LPP: variants seen among roughly 807,000 people sequenced by gnomAD.
The protein encoded by LPP is lipoma-preferred partner.
In LPP, 38 loss-of-function variants were observed where a neutral mutation model predicts 60.4. The ratio of observed to expected loss-of-function variants is 0.63; its 90% confidence interval spans 0.49 to 0.83. The LOEUF (loss-of-function observed/expected upper bound fraction) is 0.83. Ranked by LOEUF, LPP falls within the 40% of genes least tolerant of loss-of-function variation. The pLI is 0.00. For missense variants in LPP, 902 were observed against 783.6 expected, an observed-to-expected ratio of 1.15 and a Z score of -1.80; for synonymous variants, 328 against 290.8, an observed-to-expected ratio of 1.13 and a Z score of -1.30.
chr3:188,550,577 CAAAAAAAAA>C (rs67052080), intron 6 of LPP, among the ~76,000 whole-genome samples: 1 of 66,918 alleles, frequency 1.5e-5, no homozygotes, highest in Non-Finnish European at 2.6e-5. Context: ...GACTCCATCT[CAAAAAAAAA>C]AAAAAAAAAA....
chr3:188,561,578 G>C (rs2150682165), intron 6 of LPP, among the ~76,000 whole-genome samples: 1 of 152,144 alleles, frequency 6.6e-6, no homozygotes, highest in East Asian at 1.9e-4. Flanking sequence ...CAATTATTTG[G>C]AATGTGGCAA....
At chr3:188,773,476 G>A (rs1736751610) in intron 9 of LPP, among the ~76,000 whole-genome samples, 1 of 152,014 alleles carries the variant, frequency 6.6e-6, no homozygotes, top group African/African-American at 2.4e-5. Context: ...GCTGCACTGA[G>A]GACTATTTAA....
At chr3:188,553,111 A>G (rs1196850756) in intron 6 of LPP, among the ~76,000 whole-genome samples, 1 of 152,196 alleles carries the variant, frequency 6.6e-6, no homozygotes, top group African/African-American at 2.4e-5. Context: ...ATCTATAATG[A>G]TGTCAAACAA....
rs1307312055 is a variant in LPP at position 188,887,763 on chromosome 3, A to T, written c.*13284A>T. ...GATGAAAGACATTTAGGACCCTAGAAACTAAATCTTGTCACCAAGACTTTA... is the reference window on the plus strand; with the variant it reads ...GATGAAAGACATTTAGGACCCTAGATACTAAATCTTGTCACCAAGACTTTA... On this transcript the variant is annotated 3_prime_UTR_variant, in exon 12 of 12. Coordinates refer to ENST00000617246, the MANE Select transcript of LPP (RefSeq NM_001375462.1). The T allele has an allele frequency of 9.5e-6, 2 of 209,558 alleles. No individual in the cohort carries two copies. The highest frequency in any genetic ancestry group is 1.9e-5 in the Non-Finnish European group (2 of 103,068). The allele number at this position is 209,558 out of a possible 1,614,324, so 13.0% of individuals were successfully genotyped here. A position where few individuals can be genotyped will look rare whatever the true frequency, so the allele number is the denominator to read the frequency against.
rs138176249 is a variant in LPP at position 188,472,345 on chromosome 3, A to T, written c.194-12247A>T. Among the ~76,000 whole-genome samples the T allele has an allele frequency of 2.5e-3, 375 of 152,256 alleles. 5 individuals carry two copies. Among genetic ancestry groups the T allele is most frequent in the Non-Finnish European group, 8.2e-4 (56 of 68,026 alleles). On this transcript the variant is annotated intron_variant, in intron 4 of 11. Coordinates refer to ENST00000617246, the MANE Select transcript of LPP (RefSeq NM_001375462.1). ...ATTTCAGCTAGCAGGTGGTGAAGTA[A>T]ATTTTTAGAGCAAGTACCTGTCAGC... is the stretch of plus-strand genomic sequence containing the variant.
At chr3:188,287,994 T>C (rs1337070530) in intron 2 of LPP, among the ~76,000 whole-genome samples, 1 of 152,142 alleles carries the variant, frequency 6.6e-6, no homozygotes, top group Non-Finnish European at 1.5e-5. Flanking sequence ...TAAGCAACAA[T>C]AAAAAAATCA....
chr3:188,753,956 A>T (rs1469910950), intron 8 of LPP, among the ~76,000 whole-genome samples: 2 of 152,306 alleles, frequency 1.3e-5, no homozygotes, highest in East Asian at 1.9e-4. Flanking sequence ...CTTTTAAGAT[A>T]TGATAAAAAC....
chr3:188,207,768 C>A (rs1733715959), intron 1 of LPP, among the ~76,000 whole-genome samples: 2 of 152,006 alleles, frequency 1.3e-5, no homozygotes, highest in African/African-American at 4.8e-5. Flanking sequence ...ATATTTCCTT[C>A]TGTCGGAATG....
At chr3:188,379,305 G>T (rs1578465890) in intron 3 of LPP, among the ~76,000 whole-genome samples, 1 of 152,186 alleles carries the variant, frequency 6.6e-6, no homozygotes, top group African/African-American at 2.4e-5. Context: ...CTTGGTGGAA[G>T]TAGTTTAACC....
At chr3:188,431,124 C>T (rs1790788938) in intron 4 of LPP, among the ~76,000 whole-genome samples, 1 of 151,990 alleles carries the variant, frequency 6.6e-6, no homozygotes, top group Non-Finnish European at 1.5e-5. Context: ...AAATGGTTGT[C>T]ATCTGGAATG....
At chr3:188,557,538 G>C (rs1829761760) in intron 6 of LPP, among the ~76,000 whole-genome samples, 1 of 152,042 alleles carries the variant, frequency 6.6e-6, no homozygotes, top group Non-Finnish European at 1.5e-5. Flanking sequence ...ATGGTAAAAG[G>C]TAATATTTTC....
intron 7 of LPP, among the ~76,000 whole-genome samples, chr3:188,621,150 AG>A (rs1166770332): frequency 3.3e-5 from 5 of 151,860 alleles, no homozygotes; most frequent in Admixed American, 3.3e-4. Flanking sequence ...AAAAAAAAAA[AG>A]AGTCGTTTAT....
At chr3:188,323,557 G>C (rs1357674552) in intron 2 of LPP, among the ~76,000 whole-genome samples, 2 of 152,210 alleles carry the variant, frequency 1.3e-5, no homozygotes, top group Non-Finnish European at 2.9e-5. Flanking sequence ...ACTAGAGTTT[G>C]AGTGCAGAGA....
At chr3:188,470,731 G>C (rs1299191709) in intron 4 of LPP, among the ~76,000 whole-genome samples, 1 of 152,118 alleles carries the variant, frequency 6.6e-6, no homozygotes, top group East Asian at 1.9e-4. Flanking sequence ...ATAGTGGAGA[G>C]GAAACTCTTA....
intron 1 of LPP, among the ~76,000 whole-genome samples, chr3:188,216,565 C>T (rs1253130841): frequency 6.6e-6 from 1 of 152,172 alleles, no homozygotes; most frequent in Non-Finnish European, 1.5e-5. Flanking sequence ...GCCACCACAC[C>T]CCACCTAACT....
chr3:188,670,199 A>G (rs1856691518), intron 7 of LPP, among the ~76,000 whole-genome samples: 1 of 152,230 alleles, frequency 6.6e-6, no homozygotes, highest in Non-Finnish European at 1.5e-5. Flanking sequence ...ACATGTATAC[A>G]TATGTAACAA....
intron 9 of LPP, among the ~76,000 whole-genome samples, chr3:188,847,297 A>G (rs1761677537): frequency 6.6e-6 from 1 of 152,204 alleles, no homozygotes; most frequent in Non-Finnish European, 1.5e-5. Flanking sequence ...GGACTGATGA[A>G]AACCTAAACT....
At position 188,874,867 on chromosome 3, in the gene LPP, G is replaced by A. The variant is rs1482008219; in HGVS notation, c.*388G>A. On this transcript the variant is annotated 3_prime_UTR_variant, in exon 12 of 12. Transcript: ENST00000617246. ...TGGGTGAGTCTGCCAACTCACAGGTGCTTTTAGGCTTGAAATCTCCATCCT... is the reference window on the plus strand; with the variant it reads ...TGGGTGAGTCTGCCAACTCACAGGTACTTTTAGGCTTGAAATCTCCATCCT... 4.2e-6 allele frequency: 1 copy of A among 240,612 alleles called. No individual in the cohort carries two copies. Among genetic ancestry groups the A allele is most frequent in the African/African-American group, 2.2e-5 (1 of 45,562 alleles). 14.9% of individuals were successfully genotyped at this position (240,612 alleles called of 1,614,324 possible). A position where few individuals can be genotyped will look rare whatever the true frequency, so the allele number is the denominator to read the frequency against.
chr3:188,561,229 T>C (rs141670714), intron 6 of LPP, among the ~76,000 whole-genome samples: 301 of 152,244 alleles, frequency 2.0e-3, no homozygotes, highest in Middle Eastern at 6.8e-3. Context: ...TTTCACTTCA[T>C]TGTAGAAATT....
Sources: gnomAD v4.1 joint callset for allele counts (sites outside exome capture counted in the v4.1 genomes callset) on GRCh38, gnomAD v4.1.1 for gene constraint, MANE v1.5 for transcripts, NCBI Gene and HGNC (gene_info 2026-07-23, HGNC 2026-07-21) for gene names.